PRKD3: variants seen among roughly 807,000 people sequenced by gnomAD.
PRKD3 encodes the protein protein kinase D3.
PRKD3 carries 47 observed loss-of-function variants against 99.2 expected under a neutral mutation model. That is an observed-to-expected ratio of 0.47 (90% CI 0.38 to 0.60). The LOEUF (loss-of-function observed/expected upper bound fraction) is 0.60. Ranked by LOEUF, PRKD3 falls within the 20% of genes least tolerant of loss-of-function variation. The pLI is 0.00. For missense variants in PRKD3, 1,019 were observed against 1,088.4 expected (o/e 0.94, Z 0.90); for synonymous variants, 392 against 355.4 (o/e 1.10, Z -1.16).
intron 14 of PRKD3, among the ~76,000 whole-genome samples, chr2:37,266,437 T>C (rs1394146429): frequency 3.3e-5 from 5 of 151,568 alleles, no homozygotes; most frequent in African/African-American, 1.2e-4. Flanking sequence ...GTGATTCTCC[T>C]GTCTCAGCCT....
intron 2 of PRKD3, among the ~76,000 whole-genome samples, chr2:37,302,414 T>C (rs951448599): frequency 6.6e-6 from 1 of 152,246 alleles, no homozygotes; most frequent in East Asian, 1.9e-4. Flanking sequence ...GTATTAAAGA[T>C]GACTTCGATA....
In PRKD3 at chr2:37,255,178, C is replaced by CATA. The variant is rs1385391515; in HGVS notation, c.2414-890_2414-889insTAT. On this transcript the variant is annotated intron_variant, in intron 17 of 18. Coordinates refer to ENST00000234179, the MANE Select transcript of PRKD3 (RefSeq NM_005813.6). The stretch of plus-strand genomic sequence containing the variant: ...AACACTGGTTAACATCAAAAAACAT[C>CATA]TCTTATGAGCTTCTTCAATTAGCTT... Among the ~76,000 whole-genome samples, 5 of 152,336 alleles carry CATA rather than the reference C, an allele frequency of 3.3e-5. No homozygotes were observed. The East Asian group carries it at 9.6e-4, about 29-fold the overall frequency.
chr2:37,265,845 C>T (rs1668801305), intron 14 of PRKD3, among the ~76,000 whole-genome samples: 1 of 152,084 alleles, frequency 6.6e-6, no homozygotes, highest in Non-Finnish European at 1.5e-5. Context: ...TGTGCATTAC[C>T]TGGTTATTCC....
chr2:37,308,825 G>GT (rs67130028), intron 2 of PRKD3, among the ~76,000 whole-genome samples: 29,613 of 148,404 alleles, frequency 0.2, 3,828 homozygotes, highest in East Asian at 0.55. Flanking sequence ...TTTAAGCTCT[G>GT]TTTTTTTTTT....
At chr2:37,320,166 G>T (rs1482422054) in intron 1 of PRKD3, among the ~76,000 whole-genome samples, 1 of 152,124 alleles carries the variant, frequency 6.6e-6, no homozygotes, top group Non-Finnish European at 1.5e-5. Context: ...AAAGAAACAA[G>T]AATTTTAGAG....
Position 37,256,654 on chromosome 2 carries a change from TTTTTTACCTTCACCAGAAA to T in PRKD3, c.2402_2413+7del. The T allele has an allele frequency of 7.3e-7, 1 of 1,377,262 alleles. No individual in the cohort carries two copies. Among genetic ancestry groups the T allele is most frequent in the African/African-American group, 1.7e-5 (1 of 60,320 alleles). 85.3% of individuals were successfully genotyped at this position (1,377,262 alleles called of 1,614,324 possible). On this transcript the variant is annotated splice_donor_variant and splice_donor_5th_base_variant and coding_sequence_variant and intron_variant, in exon 17 of 19. Transcript: ENST00000234179. LOFTEE classifies it high-confidence loss of function. ...TTTTTTTTTTTTTTTTTTTTTTTTT[TTTTTTACCTTCACCAGAAA>T]TTTCTCTCCATGGATTTGGTGGGTA...
intron 1 of PRKD3, among the ~76,000 whole-genome samples, chr2:37,320,910 T>C (rs769323759): frequency 1.3e-5 from 2 of 152,194 alleles, no homozygotes; most frequent in Non-Finnish European, 2.9e-5. Context: ...TTAACACAAA[T>C]AGAAGAAACC....
chr2:37,289,032 C>T (rs957330838), intron 5 of PRKD3, among the ~76,000 whole-genome samples: 4 of 147,824 alleles, frequency 2.7e-5, no homozygotes, highest in African/African-American at 5.0e-5. Flanking sequence ...CCAGCCTGGG[C>T]GACAGAGCAA....
intron 2 of PRKD3, among the ~76,000 whole-genome samples, chr2:37,310,966 G>A (rs75414752): frequency 0.018 from 2,740 of 152,210 alleles, 35 homozygotes; most frequent in African/African-American, 0.034. Flanking sequence ...AGATTATCAC[G>A]AATTTCTTGA....
intron 12 of PRKD3, among the ~76,000 whole-genome samples, chr2:37,271,224 GCC>G (rs1333145623): frequency 6.6e-6 from 1 of 151,958 alleles, no homozygotes; most frequent in Non-Finnish European, 1.5e-5. Context: ...TCCTTTTCTA[GCC>G]TGTTTTCTCT....
intron 8 of PRKD3, chr2:37,279,011 T>G (rs902074789): frequency 1.3e-5 from 2 of 151,988 alleles, no homozygotes; most frequent in Non-Finnish European, 2.9e-5. Flanking sequence ...AACAAAGATT[T>G]TGTTAATAAT....
At chr2:37,254,383 A>C (rs1481902648) in intron 17 of PRKD3, 94 bp from the exon 18 acceptor site, 2 of 913,018 alleles carry the variant, frequency 2.2e-6, no homozygotes, top group African/African-American at 3.3e-5. Context: ...CCATAGAAAT[A>C]CAGGGTTGAG....
intron 13 of PRKD3, chr2:37,268,612 G>T: frequency 1.5e-5 from 4 of 260,384 alleles, no homozygotes; most frequent in Non-Finnish European, 3.0e-5. Context: ...TTTATTTGAT[G>T]GAGAAATAGG....
At chr2:37,304,231 T>C (rs1671062431) in intron 2 of PRKD3, among the ~76,000 whole-genome samples, 1 of 150,786 alleles carries the variant, frequency 6.6e-6, no homozygotes, top group African/African-American at 2.4e-5. Flanking sequence ...TGTTGACTAT[T>C]GAGCAACTAA....
At chr2:37,261,531 A>G (rs752085552) in intron 14 of PRKD3, among the ~76,000 whole-genome samples, 3 of 152,044 alleles carry the variant, frequency 2.0e-5, no homozygotes, top group Non-Finnish European at 4.4e-5. Context: ...CTGTAATCCC[A>G]ACATTTTGCG....
chr2:37,256,628 A>ATTTT (rs56389006), intron 17 of PRKD3, 34 bp downstream of exon 17: 60 of 1,202,240 alleles, frequency 5.0e-5, no homozygotes, highest in East Asian at 2.8e-4. Context: ...CATAGCCAAA[A>ATTTT]TTTTTTTTTT....
At chr2:37,272,263 C>T (rs2160394) in intron 12 of PRKD3, 117 bp downstream of exon 12, 195,105 of 1,462,118 alleles carry the variant, frequency 0.13, 14,323 homozygotes, top group South Asian at 0.27. Context: ...AGTTACCAAC[C>T]GCAAAGTCTA....
intron 2 of PRKD3, among the ~76,000 whole-genome samples, chr2:37,298,408 G>GT (rs1670766538): frequency 2.4e-5 from 2 of 82,756 alleles, no homozygotes; most frequent in South Asian, 3.0e-4. Context: ...CATTAACAAA[G>GT]TTATTTTTTT....
intron 2 of PRKD3, among the ~76,000 whole-genome samples, chr2:37,311,758 C>T (rs983401552): frequency 6.6e-6 from 1 of 152,120 alleles, no homozygotes; most frequent in Non-Finnish European, 1.5e-5. Flanking sequence ...TGTTACTTAT[C>T]TGGTCCTTAG....
Sources: gnomAD v4.1 joint callset for allele counts (sites outside exome capture counted in the v4.1 genomes callset) on GRCh38, gnomAD v4.1.1 for gene constraint, MANE v1.5 for transcripts, NCBI Gene and HGNC (gene_info 2026-07-23, HGNC 2026-07-21) for gene names.